The following SOX6 variants were observed in gnomAD, a reference collection of about 807,000 sequenced individuals.
SOX6 encodes the protein transcription factor SOX-6.
In SOX6, 11 loss-of-function variants were observed where a neutral mutation model predicts 97.8. The observed-to-expected ratio is 0.11, with a 90% confidence interval of 0.07 to 0.19. SOX6 has a LOEUF of 0.19. SOX6 is among the 10% of genes least tolerant of loss of function. The pLI, the probability that SOX6 is intolerant of heterozygous loss-of-function variation, is 1.00. For synonymous variants in SOX6, 360 were observed against 371.4 expected, an observed-to-expected ratio of 0.97 and a Z score of 0.35; for missense variants, 810 against 1,039.5, an observed-to-expected ratio of 0.78 and a Z score of 3.04.
intron 4 of SOX6, chr11:16,484,561 A>G: frequency 1.3e-6 from 1 of 761,904 alleles, no homozygotes; most frequent in Non-Finnish European, 2.4e-6. Context: ...AGTACCTGAC[A>G]TCAATGGCCA....
At chr11:16,421,393 C>T (rs540608217) in intron 1 of SOX6, among the ~76,000 whole-genome samples, 3 of 151,658 alleles carry the variant, frequency 2.0e-5, no homozygotes, top group African/African-American at 4.8e-5. Flanking sequence ...TCTAGTAAGT[C>T]CGATTTTAAT....
At chr11:16,251,550 T>C (rs1853509576) in intron 3 of SOX6, among the ~76,000 whole-genome samples, 1 of 152,010 alleles carries the variant, frequency 6.6e-6, no homozygotes, top group East Asian at 1.9e-4. Context: ...CATATCAAAA[T>C]AGAAAACAGA....
chr11:16,434,696 G>A (rs35944766), intron 1 of SOX6, among the ~76,000 whole-genome samples: 41,008 of 151,912 alleles, frequency 0.27, 7,120 homozygotes, highest in Non-Finnish European at 0.38. Context: ...AGCAGAATAC[G>A]TTGTTCATAA....
At chr11:16,040,294 G>T (rs1855625857) in intron 12 of SOX6, among the ~76,000 whole-genome samples, 1 of 151,922 alleles carries the variant, frequency 6.6e-6, no homozygotes, top group African/African-American at 2.4e-5. Flanking sequence ...GAAGAAAAGA[G>T]CCAAACAAGT....
intron 4 of SOX6, among the ~76,000 whole-genome samples, chr11:16,489,509 T>C (rs566662132): frequency 4.6e-5 from 7 of 152,280 alleles, no homozygotes; most frequent in Admixed American, 2.6e-4. Flanking sequence ...TATTATATAA[T>C]AGACATAGTC....
At chr11:16,141,639 A>T (rs907838536) in intron 6 of SOX6, among the ~76,000 whole-genome samples, 1 of 152,144 alleles carries the variant, frequency 6.6e-6, no homozygotes, top group Admixed American at 6.5e-5. Flanking sequence ...GACAGACAGC[A>T]CCTGGAAAAT....
intron 14 of SOX6, among the ~76,000 whole-genome samples, chr11:15,986,868 T>C (rs998678441): frequency 1.3e-5 from 2 of 152,188 alleles, no homozygotes; most frequent in African/African-American, 4.8e-5. Context: ...TTTGACAAGA[T>C]GTCAGCAGAT....
intron 3 of SOX6, among the ~76,000 whole-genome samples, chr11:16,701,007 C>G (rs1328348134): frequency 6.6e-6 from 1 of 152,192 alleles, no homozygotes; most frequent in Non-Finnish European, 1.5e-5. Flanking sequence ...AATCAAATAA[C>G]CAGACTGACT....
intron 4 of SOX6, among the ~76,000 whole-genome samples, chr11:16,545,458 C>G (rs937202995): frequency 2.0e-5 from 3 of 151,950 alleles, no homozygotes; most frequent in Non-Finnish European, 4.4e-5. Flanking sequence ...AAGTATATAC[C>G]TTAATGTAAT....
At chr11:16,706,442 C>T (rs1177441697) in intron 3 of SOX6, among the ~76,000 whole-genome samples, 1 of 53,152 alleles carries the variant, frequency 1.9e-5, no homozygotes, top group African/African-American at 9.7e-5. Flanking sequence ...AGAGTGAGAA[C>T]CTATCACAAA....
At chr11:16,139,861 A>G (rs954667733) in intron 6 of SOX6, among the ~76,000 whole-genome samples, 6 of 151,050 alleles carry the variant, frequency 4.0e-5, no homozygotes, top group South Asian at 2.1e-4. Flanking sequence ...GATACTTCTA[A>G]TTCCAATATA....
At chr11:16,625,092 C>A (rs1848604489) in intron 3 of SOX6, among the ~76,000 whole-genome samples, 1 of 152,102 alleles carries the variant, frequency 6.6e-6, no homozygotes, top group Non-Finnish European at 1.5e-5. Flanking sequence ...ATTCTCTTAA[C>A]AATGTATTTT....
At chr11:16,704,108 C>CT (rs1230146787) in intron 3 of SOX6, among the ~76,000 whole-genome samples, 1 of 152,144 alleles carries the variant, frequency 6.6e-6, no homozygotes, top group Non-Finnish European at 1.5e-5. Context: ...CATATGCTTC[C>CT]TTTTTATTAA....
chr11:16,316,377 T>C (rs1855758699), intron 3 of SOX6: 1 of 151,154 alleles, frequency 6.6e-6, no homozygotes, highest in African/African-American at 2.4e-5. Context: ...TTTAATATAT[T>C]TATATTATAT....
At chr11:16,137,602 GATA>G (rs1405375949) in intron 6 of SOX6, among the ~76,000 whole-genome samples, 3 of 152,116 alleles carry the variant, frequency 2.0e-5, no homozygotes, top group Non-Finnish European at 2.9e-5. Flanking sequence ...CTATCAATGA[GATA>G]ATAATATTTC....
intron 3 of SOX6, among the ~76,000 whole-genome samples, chr11:16,294,167 G>T (rs541637366): frequency 1.2e-4 from 18 of 152,038 alleles, no homozygotes; most frequent in African/African-American, 4.3e-4. Context: ...TGCAAGAGGG[G>T]CTTCTTACCA....
intron 1 of SOX6, among the ~76,000 whole-genome samples, chr11:16,390,128 G>A (rs533356212): frequency 3.9e-5 from 6 of 151,970 alleles, no homozygotes; most frequent in African/African-American, 1.5e-4. Flanking sequence ...ATGGTTTGGG[G>A]ATCAGTCAGA....
In SOX6 at chr11:16,100,415, T is replaced by C. The variant is rs556636120; in HGVS notation, c.899-2727A>G. On this transcript the variant is annotated intron_variant, in intron 7 of 15. Coordinates refer to ENST00000683767, the MANE Select transcript of SOX6 (RefSeq NM_001367873.1). ...TGAGAAATAATGTCCATTCTGTAAA[T>C]CCATTTTCCAGCTTTCTACATATTT... Among the ~76,000 whole-genome samples the C allele has an allele frequency of 2.6e-5, 4 of 151,816 alleles. No individual in the cohort carries two copies. In the South Asian group the frequency reaches 6.2e-4, roughly 24 times the overall value.
chr11:16,316,973 T>G (rs904148535), intron 3 of SOX6: 1 of 152,052 alleles, frequency 6.6e-6, no homozygotes, highest in African/African-American at 2.4e-5. Flanking sequence ...ATTTCCTGAT[T>G]ATCTAATTTT....
Sources: allele counts gnomAD v4.1 joint callset (sites outside exome capture counted in the v4.1 genomes callset), GRCh38; gene constraint gnomAD v4.1.1; transcripts MANE v1.5; gene names NCBI Gene and HGNC (gene_info 2026-07-23, HGNC 2026-07-21).